ERI1: variants seen among roughly 807,000 people sequenced by gnomAD.
ERI1 encodes 3'-5' exoribonuclease 1.
ERI1 carries 39 observed loss-of-function variants against 39.7 expected under a neutral mutation model. That is an observed-to-expected ratio of 0.98 (90% confidence interval 0.76 to 1.28). The LOEUF (loss-of-function observed/expected upper bound fraction) is 1.28. Among genes scored for constraint, ERI1 ranks in the 50% most tolerant of loss-of-function variants. The probability of loss-of-function intolerance (pLI) is 0.00; values close to 1 mark genes in which losing one functional copy is unlikely to be tolerated. For synonymous variants in ERI1, 204 were observed against 149.6 expected (o/e 1.36, Z -2.65); for missense variants, 581 against 416.9 (o/e 1.39, Z -3.43).
chr8:9,051,440 T>G (rs1395720706), intron 3 of ERI1, among the ~76,000 whole-genome samples: 2 of 152,070 alleles, frequency 1.3e-5, no homozygotes, highest in Non-Finnish European at 2.9e-5. Context: ...GCAGATCCCT[T>G]GAGGTCAGGA....
At chr8:9,029,406 G>T (rs925039013) in intron 6 of ERI1, among the ~76,000 whole-genome samples, 1 of 152,266 alleles carries the variant, frequency 6.6e-6, no homozygotes, top group Admixed American at 6.5e-5. Flanking sequence ...TCAGCTCGCT[G>T]CAGCCTCCAC....
chr8:9,062,729 GAGTC>G (rs1798745532), intron 3 of ERI1: 2 of 151,690 alleles, frequency 1.3e-5, no homozygotes, highest in African/African-American at 2.4e-5. Flanking sequence ...ATCTGGGAAG[GAGTC>G]AGTCAGAGAG....
intron 3 of ERI1, among the ~76,000 whole-genome samples, chr8:9,098,420 C>T (rs760707673): frequency 1.3e-5 from 2 of 152,114 alleles, no homozygotes; most frequent in African/African-American, 2.4e-5. Context: ...CTTGGGAGGC[C>T]GAAGCAAGAA....
At chr8:9,089,737 C>T (rs1318581463) in intron 3 of ERI1, among the ~76,000 whole-genome samples, 5 of 152,088 alleles carry the variant, frequency 3.3e-5, no homozygotes, top group African/African-American at 9.7e-5. Context: ...GTAGCCGGAG[C>T]GATGCCTTGG....
chr8:9,027,404 T>C (rs982789662), intron 6 of ERI1, among the ~76,000 whole-genome samples: 2 of 152,202 alleles, frequency 1.3e-5, no homozygotes, highest in African/African-American at 2.4e-5. Flanking sequence ...TTATCAGATA[T>C]ATACTTGCAA....
In ERI1 at chr8:9,030,564, A is replaced by G. The variant is rs1475785501; in HGVS notation, c.*530A>G. On this transcript the variant is annotated 3_prime_UTR_variant, in exon 7 of 7. Transcript: ENST00000250263. ...GAATTTCGTAAGGTACTTGGTATAC[A>G]TATCTGCCTATGTTTCTTTTCAACT... 1 of 154,726 alleles carries G rather than the reference A, an allele frequency of 6.5e-6. No individual in the cohort carries two copies. Among genetic ancestry groups the G allele is most frequent in the Non-Finnish European group, 1.4e-5 (1 of 69,374 alleles). The allele number at this position is 154,726 out of a possible 1,614,324, so 9.6% of individuals were successfully genotyped here.
At chr8:9,015,739 A>AAAAAAG (rs10704637) in intron 3 of ERI1, among the ~76,000 whole-genome samples, 1 of 150,272 alleles carries the variant, frequency 6.7e-6, no homozygotes, top group African/African-American at 2.5e-5. Flanking sequence ...AAAAAAAAAA[A>AAAAAAG]AAGAGACCAT....
At chr8:9,016,761 C>T (rs1040471267) in intron 4 of ERI1, among the ~76,000 whole-genome samples, 4 of 152,200 alleles carry the variant, frequency 2.6e-5, no homozygotes, top group Non-Finnish European at 2.9e-5. Flanking sequence ...CCTCGGCTCA[C>T]TGCAGCCTCT....
At chr8:9,089,383 G>A (rs1799635177) in intron 3 of ERI1, among the ~76,000 whole-genome samples, 1 of 152,194 alleles carries the variant, frequency 6.6e-6, no homozygotes, top group Admixed American at 6.5e-5. Context: ...GGAATTATGG[G>A]TGTGAGCTAC....
Position 9,019,822 on chromosome 8 carries a change from ACT to A in ERI1, c.693-524_693-523del, listed in dbSNP as rs920548196. Reference sequence around the variant, plus strand: ...TATAATTTCCACTGCTATTATTCTGACTCTCCTTGCCTAAGAAAAACCACGTA... The same window carrying A: ...TATAATTTCCACTGCTATTATTCTGACTCCTTGCCTAAGAAAAACCACGTA... On this transcript the variant is annotated intron_variant, in intron 5 of 6. Transcript: ENST00000250263. Among the ~76,000 whole-genome samples, 9 of 152,106 alleles carry A rather than the reference ACT, an allele frequency of 5.9e-5. 1 individual carries two copies. Among genetic ancestry groups the A allele is most frequent in the African/African-American group, 2.2e-4 (9 of 41,490 alleles).
chr8:9,040,846 C>G (rs1042323338), intron 3 of ERI1, among the ~76,000 whole-genome samples: 4 of 152,066 alleles, frequency 2.6e-5, no homozygotes, highest in African/African-American at 7.3e-5. Context: ...CTGCCCCTGC[C>G]TCATTGTCAA....
chr8:9,065,941 G>C (rs908575262), intron 3 of ERI1, among the ~76,000 whole-genome samples: 1 of 152,120 alleles, frequency 6.6e-6, no homozygotes, highest in Non-Finnish European at 1.5e-5. Flanking sequence ...CTCTCTCCAA[G>C]GTGACCATGT....
At chr8:9,082,936 C>G (rs1029276756) in intron 3 of ERI1, among the ~76,000 whole-genome samples, 12 of 152,166 alleles carry the variant, frequency 7.9e-5, no homozygotes, top group Admixed American at 2.6e-4. Flanking sequence ...GTAGGGTTAC[C>G]AGATAAAATA....
In ERI1 at chr8:9,029,952, A is replaced by T. The variant is rs999595563; in HGVS notation, c.968A>T (p.His323Leu). The change falls in exon 7 of 7, where the codon CAT (histidine) becomes CTT (leucine). Residue 323 changes from histidine (H) to leucine (L), a missense_variant. His to Leu is a moderately conservative substitution (Grantham distance 99). Transcript: ENST00000250263. ...GAACTCCGAATCAACGAGAAAATGCATGCAGGACAGCTAATGAGTGTGTCC... is the reference window on the plus strand; with the variant it reads ...GAACTCCGAATCAACGAGAAAATGCTTGCAGGACAGCTAATGAGTGTGTCC... ...GCELRINEKM[H>L]AGQLMSVSSS... 1.2e-6 allele frequency: 2 copies of T among 1,614,070 alleles called. No homozygotes were observed. The highest frequency in any genetic ancestry group is 1.7e-6 in the Non-Finnish European group (2 of 1,180,032).
chr8:9,038,687 G>A (rs1166402032), intron 3 of ERI1, among the ~76,000 whole-genome samples: 2 of 152,204 alleles, frequency 1.3e-5, no homozygotes, highest in Non-Finnish European at 2.9e-5. Flanking sequence ...AGCCCAGCAG[G>A]TGGAGGCTAC....
chr8:9,054,170 T>C (rs1798439613), intron 3 of ERI1, among the ~76,000 whole-genome samples: 1 of 152,218 alleles, frequency 6.6e-6, no homozygotes, highest in South Asian at 2.1e-4. Context: ...AAAGGTGATA[T>C]AAATTGTAGT....
chr8:9,044,568 G>C (rs570911014), intron 3 of ERI1, among the ~76,000 whole-genome samples: 2 of 152,152 alleles, frequency 1.3e-5, no homozygotes, highest in Non-Finnish European at 2.9e-5. Flanking sequence ...GTACACAGAG[G>C]ACAGTGTAGG....
At chr8:9,018,844 G>A (rs966651418) in intron 5 of ERI1, among the ~76,000 whole-genome samples, 1 of 152,076 alleles carries the variant, frequency 6.6e-6, no homozygotes, top group African/African-American at 2.4e-5. Context: ...GCCTCCCTCT[G>A]TACTGAGAGT....
At chr8:9,090,322 G>A (rs917458018) in intron 3 of ERI1, among the ~76,000 whole-genome samples, 4 of 152,130 alleles carry the variant, frequency 2.6e-5, no homozygotes, top group Non-Finnish European at 2.9e-5. Flanking sequence ...GTGCCAACTT[G>A]TTCTGTTTCT....
Sources: gnomAD v4.1 joint callset for allele counts (sites outside exome capture counted in the v4.1 genomes callset) on GRCh38, gnomAD v4.1.1 for gene constraint, MANE v1.5 for transcripts, NCBI Gene and HGNC (gene_info 2026-07-23, HGNC 2026-07-21) for gene names.